The following CSMD1 variants were observed in gnomAD, a reference collection of about 807,000 sequenced individuals.
CSMD1 encodes the protein CUB and sushi domain-containing protein 1.
In CSMD1, 213 loss-of-function variants were observed where a neutral mutation model predicts 417.5. That is an observed-to-expected ratio of 0.51 (90% CI 0.46 to 0.57). The LOEUF is 0.57. Among genes scored for constraint, CSMD1 ranks in the 20% least tolerant of loss-of-function variants. The probability of loss-of-function intolerance (pLI) is 0.00; values close to 1 mark genes in which losing one functional copy is unlikely to be tolerated. For synonymous variants in CSMD1, 2,862 were observed against 1,736.8 expected, an observed-to-expected ratio of 1.65 and a Z score of -16.11; for missense variants, 6,923 against 4,529.7, an observed-to-expected ratio of 1.53 and a Z score of -15.17.
intron 1 of CSMD1, among the ~76,000 whole-genome samples, chr8:4,789,043 C>A (rs1238662739): frequency 1.3e-5 from 2 of 152,178 alleles, no homozygotes; most frequent in Admixed American, 1.3e-4. Flanking sequence ...CCTTGTTCCA[C>A]AGTTTATTTA....
intron 3 of CSMD1, among the ~76,000 whole-genome samples, chr8:4,041,696 G>A (rs558756346): frequency 3.3e-5 from 5 of 152,138 alleles, no homozygotes; most frequent in Admixed American, 2.6e-4. Flanking sequence ...TTTTCAATCA[G>A]TGAACACCAA....
At chr8:3,490,916 T>C (rs1020928180) in intron 11 of CSMD1, among the ~76,000 whole-genome samples, 6 of 152,172 alleles carry the variant, frequency 3.9e-5, no homozygotes, top group Admixed American at 2.6e-4. Flanking sequence ...AAAGAGTCAT[T>C]ATTTGGCAAG....
intron 17 of CSMD1, 82 bp downstream of exon 17, chr8:3,396,112 G>C (rs1811681250): frequency 8.2e-7 from 1 of 1,214,248 alleles, no homozygotes; most frequent in African/African-American, 1.5e-5. Context: ...ACAGTCATCT[G>C]CAGGCTGGAA....
chr8:3,012,270 G>C (rs766941332), intron 52 of CSMD1, among the ~76,000 whole-genome samples: 3 of 152,192 alleles, frequency 2.0e-5, no homozygotes, highest in African/African-American at 4.8e-5. Context: ...AGCATGGATT[G>C]AGTTCTTGAA....
intron 49 of CSMD1, among the ~76,000 whole-genome samples, chr8:3,060,021 C>T (rs1000729450): frequency 6.6e-6 from 1 of 152,088 alleles, no homozygotes; most frequent in African/African-American, 2.4e-5. Context: ...CAAGTGAAGA[C>T]CATGAAGTAT....
rs1812307654 is a variant in CSMD1, at chr8:3,405,756, A to G, written c.2266+271T>C. ...CTTCTCCAGCCATGGAATGCCAGAG[A>G]TTGCCAAACACCGCCAGGAGCTGGA... is the stretch of plus-strand genomic sequence containing the variant. On this transcript the variant is annotated intron_variant, in intron 15 of 69. Coordinates refer to ENST00000635120, the MANE Select transcript of CSMD1 (RefSeq NM_033225.6). Among the ~76,000 whole-genome samples the G allele has an allele frequency of 2.0e-5, 3 of 152,094 alleles. No individual in the cohort carries two copies. In the South Asian group the frequency reaches 6.2e-4, roughly 32 times the overall value.
intron 18 of CSMD1, 144 bp downstream of exon 18, chr8:3,387,350 G>A (rs147865728): frequency 7.1e-5 from 43 of 608,456 alleles, no homozygotes; most frequent in African/African-American, 6.8e-4. Flanking sequence ...GGAATGATAC[G>A]ATGATGGTAT....
intron 3 of CSMD1, among the ~76,000 whole-genome samples, chr8:4,079,412 C>A (rs140244191): frequency 1.3e-5 from 2 of 152,170 alleles, no homozygotes; most frequent in East Asian, 1.9e-4. Context: ...TATTTTAACT[C>A]TGGCTAAAAA....
chr8:4,455,681 A>C (rs1264475088), intron 2 of CSMD1, among the ~76,000 whole-genome samples: 1 of 152,004 alleles, frequency 6.6e-6, no homozygotes, highest in Non-Finnish European at 1.5e-5. Context: ...CTGTAATCTC[A>C]GCACTTTGGG....
intron 26 of CSMD1, among the ~76,000 whole-genome samples, chr8:3,270,975 C>T (rs547421831): frequency 3.6e-4 from 55 of 151,534 alleles, no homozygotes; most frequent in Admixed American, 2.6e-4. Context: ...ATGTGCACAA[C>T]GTACAGGTTA....
intron 3 of CSMD1, among the ~76,000 whole-genome samples, chr8:4,140,621 T>C (rs1803728930): frequency 6.6e-6 from 1 of 150,912 alleles, no homozygotes; most frequent in Non-Finnish European, 1.5e-5. Context: ...TGAGCCATGA[T>C]TGCGCCACTG....
chr8:3,995,960 G>T (rs933349748), intron 5 of CSMD1, among the ~76,000 whole-genome samples: 2 of 152,112 alleles, frequency 1.3e-5, no homozygotes, highest in Non-Finnish European at 2.9e-5. Flanking sequence ...CTGGATCCAG[G>T]CACCAAGAAG....
At chr8:3,395,982 G>A (rs964029809) in intron 17 of CSMD1, among the ~76,000 whole-genome samples, 3 of 152,126 alleles carry the variant, frequency 2.0e-5, no homozygotes, top group African/African-American at 7.2e-5. Context: ...ATACGCGATG[G>A]ATACGTATTT....
chr8:3,925,468 C>T (rs956669422), intron 5 of CSMD1, among the ~76,000 whole-genome samples: 10 of 152,186 alleles, frequency 6.6e-5, no homozygotes, highest in Middle Eastern at 6.8e-3. Context: ...CAAAAGATAA[C>T]GTTCATAATG....
intron 3 of CSMD1, among the ~76,000 whole-genome samples, chr8:4,245,600 G>T (rs969403170): frequency 6.6e-6 from 1 of 152,142 alleles, no homozygotes; most frequent in Non-Finnish European, 1.5e-5. Flanking sequence ...TGGTCAACAG[G>T]TTCCTCTGGT....
At chr8:3,911,887 T>G (rs79821335) in intron 5 of CSMD1, among the ~76,000 whole-genome samples, 1 of 152,204 alleles carries the variant, frequency 6.6e-6, no homozygotes, top group African/African-American at 2.4e-5. Flanking sequence ...CTTACCTCCG[T>G]TATCTTTTCT....
At chr8:3,022,622 G>C (rs900767906) in intron 51 of CSMD1, among the ~76,000 whole-genome samples, 6 of 151,320 alleles carry the variant, frequency 4.0e-5, no homozygotes, top group Non-Finnish European at 8.8e-5. Flanking sequence ...AATATTACTT[G>C]TGAGTGTGAC....
intron 1 of CSMD1, among the ~76,000 whole-genome samples, chr8:4,922,335 C>A (rs1024828413): frequency 6.6e-6 from 1 of 152,166 alleles, no homozygotes; most frequent in African/African-American, 2.4e-5. Context: ...CCCACCCCAT[C>A]TCAAACTAGC....
In CSMD1 at chr8:3,438,821, A is replaced by G. The variant is rs368454944; in HGVS notation, c.1562-29216T>C. Reference sequence around the variant, plus strand: ...TATGATAATTGCATGTTTAGCTCTTATAAGAAATTGCTGGCCAGGTGTGGT... The same window carrying G: ...TATGATAATTGCATGTTTAGCTCTTGTAAGAAATTGCTGGCCAGGTGTGGT... On this transcript the variant is annotated intron_variant, in intron 12 of 69. Coordinates refer to ENST00000635120, the MANE Select transcript of CSMD1 (RefSeq NM_033225.6). 2.0e-5 allele frequency among the ~76,000 whole-genome samples: 3 copies of G among 152,064 alleles called. No individual in the cohort carries two copies. The East Asian group carries it at 5.8e-4, about 29-fold the overall frequency.
Sources: allele counts gnomAD v4.1 joint callset (sites outside exome capture counted in the v4.1 genomes callset), GRCh38; gene constraint gnomAD v4.1.1; transcripts MANE v1.5; gene names NCBI Gene and HGNC (gene_info 2026-07-23, HGNC 2026-07-21).